Variants in ARMH1 observed in about 807,000 individuals in gnomAD.
ARMH1 encodes the protein armadillo like helical domain containing 1, also known as armadillo-like helical domain containing protein 1.
A neutral mutation model predicts 50.2 loss-of-function variants in ARMH1; 34 were observed. The ratio of observed to expected loss-of-function variants is 0.68; its 90% CI spans 0.51 to 0.90. ARMH1 has a LOEUF of 0.90. Among genes scored for constraint, ARMH1 ranks in the 40% least tolerant of loss-of-function variants. The pLI is 0.00. For missense variants in ARMH1, 538 were observed against 553.9 expected (o/e 0.97, Z 0.29); for synonymous variants, 221 against 224.2 (o/e 0.99, Z 0.13).
intron 4 of ARMH1, among the ~76,000 whole-genome samples, chr1:44,700,393 G>A (rs557199879): frequency 4.5e-4 from 69 of 152,202 alleles, no homozygotes; most frequent in South Asian, 2.1e-4. Context: ...CAAGGTGGGC[G>A]CATCACGAGG....
intron 1 of ARMH1, among the ~76,000 whole-genome samples, chr1:44,680,907 A>G (rs912495758): frequency 6.6e-6 from 1 of 151,418 alleles, no homozygotes; most frequent in Non-Finnish European, 1.5e-5. Flanking sequence ...ACTTTTCTCC[A>G]ACCCTAATAT....
At chr1:44,702,152 C>T (rs1276440362) in intron 5 of ARMH1, among the ~76,000 whole-genome samples, 3 of 152,064 alleles carry the variant, frequency 2.0e-5, no homozygotes, top group Non-Finnish European at 2.9e-5. Flanking sequence ...ATCTTATTTC[C>T]ACAGTTCCCA....
In ARMH1 at chr1:44,685,370, G is replaced by A. The variant is rs1449754249; in HGVS notation, c.-22-4306G>A. ...GTTGCCCAGGCTGGAGTGCAGTGGC[G>A]GGATCATAGATCACTGCAGCCCCGA... On this transcript the variant is annotated intron_variant, in intron 1 of 11. Coordinates refer to ENST00000535358, the MANE Select transcript of ARMH1 (RefSeq NM_001145636.2). Among the ~76,000 whole-genome samples the A allele has an allele frequency of 5.4e-5, 8 of 148,774 alleles. No homozygotes were observed. In the East Asian group the frequency reaches 8.0e-4, roughly 15 times the overall value.
chr1:44,720,904 G>T (rs560887057), intron 6 of ARMH1, among the ~76,000 whole-genome samples: 76 of 152,184 alleles, frequency 5.0e-4, no homozygotes, highest in Non-Finnish European at 6.2e-4. Context: ...AGGCGTGGTG[G>T]TGCGCACCTG....
At chr1:44,703,242 G>T (rs986066558) in intron 5 of ARMH1, among the ~76,000 whole-genome samples, 7 of 152,060 alleles carry the variant, frequency 4.6e-5, no homozygotes, top group African/African-American at 1.7e-4. Context: ...AATCAGAGTA[G>T]CCGGCCTTGT....
chr1:44,720,233 G>A (rs1387571616), intron 6 of ARMH1, among the ~76,000 whole-genome samples: 1 of 151,646 alleles, frequency 6.6e-6, no homozygotes, highest in East Asian at 1.9e-4. Flanking sequence ...TGGCCATGGG[G>A]TATACGGGGA....
At chr1:44,706,243 C>G (rs900877562) in intron 6 of ARMH1, among the ~76,000 whole-genome samples, 6 of 152,122 alleles carry the variant, frequency 3.9e-5, no homozygotes, top group Admixed American at 2.6e-4. Context: ...TGGGGTGGTT[C>G]AAATGACAAA....
intron 6 of ARMH1, among the ~76,000 whole-genome samples, chr1:44,719,262 G>T (rs896500851): frequency 6.6e-6 from 1 of 152,154 alleles, no homozygotes; most frequent in African/African-American, 2.4e-5. Flanking sequence ...TCAGGACCAG[G>T]CCCCCTCTAG....
At chr1:44,703,757 G>A (rs575809089) in intron 5 of ARMH1, among the ~76,000 whole-genome samples, 3 of 141,380 alleles carry the variant, frequency 2.1e-5, no homozygotes, top group East Asian at 4.3e-4. Flanking sequence ...TTTTTGAGAC[G>A]GCTCTGTTTC....
rs1208978921 is a variant in ARMH1, at chr1:44,705,034, G to A, written c.724+861G>A. Among the ~76,000 whole-genome samples, 3 of 149,238 alleles carry A rather than the reference G, an allele frequency of 2.0e-5. No individual in the cohort carries two copies. The East Asian group carries it at 6.1e-4, about 30-fold the overall frequency. The stretch of plus-strand genomic sequence containing the variant: ...TATTTTTTAGTGGAGACGAGGTTTC[G>A]CTGCGTTAGCCAGGATGGTCTCGAT... On this transcript the variant is annotated intron_variant, in intron 6 of 11. Coordinates refer to ENST00000535358, the MANE Select transcript of ARMH1 (RefSeq NM_001145636.2).
intron 4 of ARMH1, among the ~76,000 whole-genome samples, chr1:44,698,836 A>G (rs1186453858): frequency 1.3e-5 from 2 of 150,582 alleles, no homozygotes; most frequent in Non-Finnish European, 3.0e-5. Flanking sequence ...AAGAAATTGA[A>G]TTATGAATAA....
chr1:44,723,422 T>A (rs1406352359), intron 6 of ARMH1, among the ~76,000 whole-genome samples: 1 of 152,204 alleles, frequency 6.6e-6, no homozygotes, highest in Non-Finnish European at 1.5e-5. Flanking sequence ...CTGTAAAATA[T>A]CTACAGGAAA....
intron 1 of ARMH1, 63 bp from the exon 2 acceptor site, chr1:44,689,613 A>AAAT: frequency 7.7e-7 from 1 of 1,302,024 alleles, no homozygotes. Context: ...ATTGCTAGAA[A>AAAT]AATAATGGAG....
At chr1:44,713,097 C>CTT (rs538780455) in intron 6 of ARMH1, among the ~76,000 whole-genome samples, 135 of 118,830 alleles carry the variant, frequency 1.1e-3, no homozygotes, top group Non-Finnish European at 1.4e-3. Context: ...TGCGCCCGGC[C>CTT]TTTTTTTTTT....
intron 1 of ARMH1, 110 bp from the exon 2 acceptor site, chr1:44,689,566 C>A: frequency 1.2e-6 from 1 of 815,350 alleles, no homozygotes; most frequent in Non-Finnish European, 2.0e-6. Context: ...ATAACTACAT[C>A]CATTTGCATG....
chr1:44,695,406 C>A (rs1384094490), intron 2 of ARMH1, among the ~76,000 whole-genome samples: 1 of 152,164 alleles, frequency 6.6e-6, no homozygotes, highest in Non-Finnish European at 1.5e-5. Context: ...TCCTTCATCC[C>A]CTGTTCTCTA....
chr1:44,694,161 C>T (rs1040485721), intron 2 of ARMH1, among the ~76,000 whole-genome samples: 3 of 152,182 alleles, frequency 2.0e-5, no homozygotes, highest in Non-Finnish European at 4.4e-5. Context: ...TTTTACTGAA[C>T]AGTTGTAGAT....
intron 1 of ARMH1, among the ~76,000 whole-genome samples, chr1:44,677,174 T>C (rs776883136): frequency 1.4e-4 from 22 of 152,196 alleles, no homozygotes; most frequent in Admixed American, 3.3e-4. Context: ...AAGATTAAAA[T>C]AGCAGCACTG....
Position 44,686,194 on chromosome 1 carries a change from A to G in ARMH1, c.-22-3482A>G, listed in dbSNP as rs552635331. Among the ~76,000 whole-genome samples the G allele has an allele frequency of 8.5e-5, 13 of 152,344 alleles. No individual in the cohort carries two copies. The South Asian group carries it at 2.1e-3, about 24-fold the overall frequency. Reference sequence around the variant, plus strand: ...GGTTTCCAGGGAAAAGATGGAATTAATCAGTTACAGATTGAACATTTGGAA... The same window carrying G: ...GGTTTCCAGGGAAAAGATGGAATTAGTCAGTTACAGATTGAACATTTGGAA... On this transcript the variant is annotated intron_variant, in intron 1 of 11. Coordinates refer to ENST00000535358, the MANE Select transcript of ARMH1 (RefSeq NM_001145636.2).
Sources: allele counts gnomAD v4.1 joint callset (sites outside exome capture counted in the v4.1 genomes callset), GRCh38; gene constraint gnomAD v4.1.1; transcripts MANE v1.5; gene names NCBI Gene and HGNC (gene_info 2026-07-23, HGNC 2026-07-21).